FLT3: variants seen among roughly 807,000 people sequenced by gnomAD.
FLT3 encodes the protein fms related receptor tyrosine kinase 3.
Under a neutral mutation model 126.6 loss-of-function variants are expected in FLT3, and 46 were observed. The ratio of observed to expected loss-of-function variants is 0.36; its 90% CI spans 0.29 to 0.46. FLT3 has a LOEUF of 0.46. Among genes scored for constraint, FLT3 ranks in the 20% least tolerant of loss-of-function variants. The pLI, the probability that FLT3 is intolerant of heterozygous loss-of-function variation, is 1.00. For missense variants in FLT3, 1,069 were observed against 1,190.3 expected (o/e 0.90, Z 1.50); for synonymous variants, 404 against 434.4 (o/e 0.93, Z 0.87).
intron 23 of FLT3, among the ~76,000 whole-genome samples, chr13:28,005,220 T>G (rs577098472): frequency 6.6e-6 from 1 of 152,148 alleles, no homozygotes; most frequent in South Asian, 2.1e-4. Context: ...TCCCAGCTAC[T>G]TGGGAGGCTA....
chr13:28,096,404 T>A (rs1406620426), intron 1 of FLT3, among the ~76,000 whole-genome samples: 1 of 151,944 alleles, frequency 6.6e-6, no homozygotes, highest in Non-Finnish European at 1.5e-5. Flanking sequence ...GGATCCCTTT[T>A]CTGACCAGGC....
intron 3 of FLT3, among the ~76,000 whole-genome samples, chr13:28,057,838 G>A (rs1362914958): frequency 2.0e-5 from 3 of 151,828 alleles, no homozygotes; most frequent in African/African-American, 4.8e-5. Flanking sequence ...TCAGGAGTTC[G>A]AGACCAGCCT....
chr13:28,026,359 A>C (rs1270220347), intron 17 of FLT3, among the ~76,000 whole-genome samples: 1 of 151,504 alleles, frequency 6.6e-6, no homozygotes, highest in East Asian at 1.9e-4. Flanking sequence ...TCTGAAAAAA[A>C]AAAAAAAAAA....
chr13:28,095,081 T>C (rs1879370665), intron 1 of FLT3, among the ~76,000 whole-genome samples: 1 of 152,078 alleles, frequency 6.6e-6, no homozygotes, highest in African/African-American at 2.4e-5. Flanking sequence ...CATCTTAAGA[T>C]CACAAAGTCT....
At chr13:28,083,108 T>G (rs900760004) in intron 1 of FLT3, among the ~76,000 whole-genome samples, 16 of 152,204 alleles carry the variant, frequency 1.1e-4, no homozygotes, top group African/African-American at 3.9e-4. Context: ...CCCAAAGTGC[T>G]GGGATTACAG....
At chr13:28,052,771 A>C (rs1431506412) in intron 4 of FLT3, 97 bp from the exon 5 acceptor site, 2 of 815,902 alleles carry the variant, frequency 2.5e-6, no homozygotes, top group African/African-American at 3.5e-5. Context: ...AAAAGTTCTC[A>C]ACCATTACGT....
chr13:28,018,254 A>G (rs114199142), intron 20 of FLT3, among the ~76,000 whole-genome samples: 1,816 of 152,326 alleles, frequency 0.012, 35 homozygotes, highest in African/African-American at 0.041. Context: ...GCCCAAGGAC[A>G]GATGTGATGC....
chr13:28,054,832 G>A (rs1023059775), intron 4 of FLT3, among the ~76,000 whole-genome samples: 10 of 152,050 alleles, frequency 6.6e-5, no homozygotes, highest in Non-Finnish European at 1.2e-4. Context: ...CAACTTTAAA[G>A]TGCCTAAGTT....
intron 23 of FLT3, among the ~76,000 whole-genome samples, chr13:28,005,116 G>C (rs534276293): frequency 5.2e-4 from 79 of 152,306 alleles, no homozygotes; most frequent in African/African-American, 1.8e-3. Context: ...GATCACCTGG[G>C]GTTGGGAGTT....
chr13:28,008,640 C>T (rs901916660), intron 23 of FLT3, among the ~76,000 whole-genome samples: 1 of 152,056 alleles, frequency 6.6e-6, no homozygotes, highest in East Asian at 1.9e-4. Flanking sequence ...CCACCACACC[C>T]AGCTAATTTT....
chr13:28,081,367 A>T (rs1175082778), intron 1 of FLT3, among the ~76,000 whole-genome samples: 1 of 151,944 alleles, frequency 6.6e-6, no homozygotes, highest in African/African-American at 2.4e-5. Flanking sequence ...ATATTTTTGG[A>T]TACTATTTTG....
intron 4 of FLT3, among the ~76,000 whole-genome samples, chr13:28,057,141 C>G (rs1026565593): frequency 6.6e-6 from 1 of 152,160 alleles, no homozygotes; most frequent in African/African-American, 2.4e-5. Flanking sequence ...ATTCTGAGAG[C>G]CCACGGCACA....
Position 28,014,229 on chromosome 13 carries a change from G to A in FLT3, c.2859+223C>T, listed in dbSNP as rs1040759730. Reference sequence around the variant, plus strand: ...CGAGGCTGCAGTGAGCCATGATCACGCCACACACTCCAGCCTGGGCCACAG... The same window carrying A: ...CGAGGCTGCAGTGAGCCATGATCACACCACACACTCCAGCCTGGGCCACAG... On this transcript the variant is annotated intron_variant, in intron 23 of 23. Transcript: ENST00000241453. 7.2e-5 allele frequency among the ~76,000 whole-genome samples: 11 copies of A among 151,976 alleles called. No individual in the cohort carries two copies. The highest frequency in any genetic ancestry group is 2.7e-4 in the African/African-American group (11 of 41,358).
intron 1 of FLT3, among the ~76,000 whole-genome samples, chr13:28,091,207 CTTTTTTTTTT>C (rs572410744): frequency 4.4e-4 from 16 of 36,582 alleles, no homozygotes; most frequent in Admixed American, 9.6e-4. Context: ...GCCCCATTTT[CTTTTTTTTTT>C]TTTTTTTTTT....
In FLT3 at chr13:28,070,486, T is replaced by G; in HGVS notation, c.165+5A>C. On this transcript the variant is annotated splice_donor_5th_base_variant and intron_variant, in intron 2 of 23. Coordinates refer to ENST00000241453, the MANE Select transcript of FLT3 (RefSeq NM_004119.3). ...GCTAAAGGTATAATTTTAATGTTAC[T>G]TTACCATGGGATATGATGATGACTT... 1.2e-6 allele frequency: 2 copies of G among 1,607,588 alleles called. No individual in the cohort carries two copies. Among genetic ancestry groups the G allele is most frequent in the Non-Finnish European group, 1.7e-6 (2 of 1,176,330 alleles).
At chr13:28,056,882 A>G (rs548263357) in intron 4 of FLT3, among the ~76,000 whole-genome samples, 1 of 152,330 alleles carries the variant, frequency 6.6e-6, no homozygotes, top group South Asian at 2.1e-4. Flanking sequence ...GATCATTTTC[A>G]TCATCTCAGA....
rs754604134 is a variant in FLT3 at position 28,023,477 on chromosome 13, T to C, written c.2291A>G (p.Asp764Gly). The change falls in exon 19 of 24, where the codon GAT (aspartate) becomes GGT (glycine). Residue 764 changes from aspartate to glycine, a missense_variant and splice_region_variant. By Grantham distance (94) the Asp-to-Gly change is moderately conservative. Coordinates refer to ENST00000241453, the MANE Select transcript of FLT3 (RefSeq NM_004119.3). ...GLHGNSFHSE[D>G]EIEYENQKRL... ...TTTTTGGTTTTCATATTCAATTTCA[T>C]CTGTAAAATAGAGCCAGTCTTCACT... 1 of 1,613,672 alleles carries C rather than the reference T, an allele frequency of 6.2e-7. No individual in the cohort carries two copies. Among genetic ancestry groups the C allele is most frequent in the Admixed American group, 1.7e-5 (1 of 59,866 alleles).
At chr13:28,045,018 A>G (rs1213967114) in intron 9 of FLT3, among the ~76,000 whole-genome samples, 1 of 152,210 alleles carries the variant, frequency 6.6e-6, no homozygotes, top group African/African-American at 2.4e-5. Flanking sequence ...CTGTTGCCAG[A>G]TAAGTAGGAA....
At position 28,049,791 on chromosome 13, in the gene FLT3, T is replaced by A. The variant is rs1566083048; in HGVS notation, c.743-17A>T. 1 of 1,596,480 alleles carries A rather than the reference T, an allele frequency of 6.3e-7. No homozygotes were observed. The highest frequency in any genetic ancestry group is 2.2e-5 in the East Asian group (1 of 44,674). On this transcript the variant is annotated splice_polypyrimidine_tract_variant and intron_variant, in intron 6 of 23. Coordinates refer to ENST00000241453, the MANE Select transcript of FLT3 (RefSeq NM_004119.3). The stretch of plus-strand genomic sequence containing the variant: ...GATTTAGATCTAGGAGATGAAAACA[T>A]CCCAAGTGAGAAAAAAAAAGTGATT...
Sources: allele counts gnomAD v4.1 joint callset (sites outside exome capture counted in the v4.1 genomes callset), GRCh38; gene constraint gnomAD v4.1.1; transcripts MANE v1.5; gene names NCBI Gene and HGNC (gene_info 2026-07-23, HGNC 2026-07-21).